Variants in CHRM3 observed in about 807,000 individuals in gnomAD.
CHRM3 encodes muscarinic acetylcholine receptor M3.
CHRM3 carries 11 observed loss-of-function variants against 41.8 expected under a neutral mutation model. The observed-to-expected ratio is 0.26, with a 90% confidence interval of 0.17 to 0.44. The LOEUF is 0.44. Among genes scored for constraint, CHRM3 ranks in the 20% least tolerant of loss-of-function variants. CHRM3 has a pLI of 1.00. For missense variants in CHRM3, 571 were observed against 745.4 expected, an observed-to-expected ratio of 0.77 and a Z score of 2.72; for synonymous variants, 297 against 301.4, an observed-to-expected ratio of 0.99 and a Z score of 0.15.
intron 6 of CHRM3, among the ~76,000 whole-genome samples, chr1:239,834,269 ACT>A (rs1467391155): frequency 6.8e-6 from 1 of 147,086 alleles, no homozygotes; most frequent in Non-Finnish European, 1.5e-5. Flanking sequence ...TAAATACTCA[ACT>A]CTCTACCATA....
At chr1:239,743,223 G>A (rs763254359) in intron 5 of CHRM3, among the ~76,000 whole-genome samples, 15 of 152,068 alleles carry the variant, frequency 9.9e-5, no homozygotes, top group Non-Finnish European at 1.5e-4. Context: ...AGCAACAAGG[G>A]GCCAATGAAT....
intron 6 of CHRM3, among the ~76,000 whole-genome samples, chr1:239,881,803 G>A (rs1024087820): frequency 3.3e-5 from 5 of 152,120 alleles, no homozygotes; most frequent in Admixed American, 2.6e-4. Flanking sequence ...GGACAAACAG[G>A]ACCATTTTGA....
chr1:239,865,964 G>T (rs1676055605), intron 6 of CHRM3, among the ~76,000 whole-genome samples: 2 of 152,130 alleles, frequency 1.3e-5, no homozygotes, highest in South Asian at 2.1e-4. Flanking sequence ...TCCCACAAGG[G>T]TCTATTTTCA....
chr1:239,579,098 C>T (rs1251115816), intron 3 of CHRM3, among the ~76,000 whole-genome samples: 2 of 152,190 alleles, frequency 1.3e-5, no homozygotes, highest in Non-Finnish European at 2.9e-5. Flanking sequence ...TTAACACTTA[C>T]TAAATATTCG....
Position 239,507,242 on chromosome 1 carries a change from C to A in CHRM3, c.-422+14435C>A, listed in dbSNP as rs548120767. Among the ~76,000 whole-genome samples the A allele has an allele frequency of 3.9e-5, 6 of 152,256 alleles. No homozygotes were observed. In the South Asian group the frequency reaches 1.0e-3, roughly 26 times the overall value. On this transcript the variant is annotated intron_variant, in intron 2 of 6. Coordinates refer to ENST00000676153, the MANE Select transcript of CHRM3 (RefSeq NM_001375978.1). ...GGCTATGCCCCTACCCAAATCTCAT[C>A]TTGAATTCCCATGTGTTGTGGGAGG...
intron 6 of CHRM3, among the ~76,000 whole-genome samples, chr1:239,843,447 C>CTTTTTTTTTTTTT (rs34901177): frequency 1.6e-4 from 13 of 81,222 alleles, no homozygotes; most frequent in East Asian, 3.8e-4. Flanking sequence ...ACTCGCTTTC[C>CTTTTTTTTTTTTT]TTTTTTTTTT....
chr1:239,589,515 A>G (rs1309028060), intron 3 of CHRM3, among the ~76,000 whole-genome samples: 1 of 150,030 alleles, frequency 6.7e-6, no homozygotes, highest in Non-Finnish European at 1.5e-5. Flanking sequence ...ATGCATATGT[A>G]TAAAACTATA....
intron 6 of CHRM3, among the ~76,000 whole-genome samples, chr1:239,873,872 C>A (rs1338440275): frequency 6.6e-6 from 1 of 152,118 alleles, no homozygotes; most frequent in Admixed American, 6.5e-5. Context: ...CAGCTGAAGT[C>A]CCCCCTCTCC....
chr1:239,570,771 G>A (rs1661757749), intron 3 of CHRM3, among the ~76,000 whole-genome samples: 1 of 152,068 alleles, frequency 6.6e-6, no homozygotes, highest in South Asian at 2.1e-4. Flanking sequence ...ACTCCCAAAA[G>A]AAGTAAGTGA....
At chr1:239,759,257 A>G (rs1261258793) in intron 5 of CHRM3, among the ~76,000 whole-genome samples, 1 of 144,072 alleles carries the variant, frequency 6.9e-6, no homozygotes, top group Non-Finnish European at 1.5e-5. Flanking sequence ...ATATTTGAAT[A>G]TATATGTATA....
At chr1:239,609,389 C>A (rs1432956158) in intron 3 of CHRM3, among the ~76,000 whole-genome samples, 1 of 152,096 alleles carries the variant, frequency 6.6e-6, no homozygotes, top group African/African-American at 2.4e-5. Context: ...ATTTGTTTAT[C>A]CAGTCACCTC....
chr1:239,899,314 C>T (rs12747795), intron 6 of CHRM3, among the ~76,000 whole-genome samples: 1 of 113,288 alleles, frequency 8.8e-6, no homozygotes, highest in Non-Finnish European at 1.9e-5. Flanking sequence ...TGTGTATATA[C>T]ACACACGCAT....
chr1:239,790,223 G>A (rs751320208), intron 5 of CHRM3, among the ~76,000 whole-genome samples: 4 of 152,132 alleles, frequency 2.6e-5, no homozygotes, highest in Admixed American at 6.5e-5. Flanking sequence ...TAAGATTTAG[G>A]GGCACAGTTG....
intron 5 of CHRM3, among the ~76,000 whole-genome samples, chr1:239,765,736 A>T (rs1477756557): frequency 6.6e-6 from 1 of 152,166 alleles, no homozygotes; most frequent in African/African-American, 2.4e-5. Flanking sequence ...TTCAGCAAGC[A>T]TTCATGTGGC....
At chr1:239,791,954 A>G (rs1186191375) in intron 5 of CHRM3, among the ~76,000 whole-genome samples, 1 of 152,210 alleles carries the variant, frequency 6.6e-6, no homozygotes. Context: ...AGTCTTATCA[A>G]TCCTGCTTCA....
intron 5 of CHRM3, among the ~76,000 whole-genome samples, chr1:239,733,184 G>A (rs80152872): frequency 0.012 from 1,773 of 152,078 alleles, 14 homozygotes; most frequent in Non-Finnish European, 0.018. Flanking sequence ...CTCTCCACCT[G>A]TTGGAGTTAT....
intron 5 of CHRM3, among the ~76,000 whole-genome samples, chr1:239,809,745 T>C (rs1479861764): frequency 2.0e-5 from 3 of 150,678 alleles, no homozygotes; most frequent in Non-Finnish European, 3.0e-5. Flanking sequence ...GCTATCCTCT[T>C]GCCTCGGCCT....
rs935820984 is a variant in CHRM3 at position 239,738,344 on chromosome 1, C to T, written c.-147+60056C>T. Among the ~76,000 whole-genome samples, 9 of 152,282 alleles carry T rather than the reference C, an allele frequency of 5.9e-5. 1 individual carries two copies. Among genetic ancestry groups the T allele is most frequent in the Admixed American group, 5.9e-4 (9 of 15,294 alleles). On this transcript the variant is annotated intron_variant, in intron 5 of 6. Coordinates refer to ENST00000676153, the MANE Select transcript of CHRM3 (RefSeq NM_001375978.1). ...AGAATTTGAGAGAAGCTACATTGCT[C>T]AGCTCTTCAGCACCAGTGCCCTGTC...
intron 1 of CHRM3, among the ~76,000 whole-genome samples, chr1:239,421,031 A>G (rs1216382069): frequency 6.6e-6 from 1 of 152,170 alleles, no homozygotes; most frequent in Admixed American, 6.5e-5. Flanking sequence ...TTTAAAATAG[A>G]TGGTTTACTA....
Sources: allele counts gnomAD v4.1 joint callset (sites outside exome capture counted in the v4.1 genomes callset), GRCh38; gene constraint gnomAD v4.1.1; transcripts MANE v1.5; gene names NCBI Gene and HGNC (gene_info 2026-07-23, HGNC 2026-07-21).